The following HEATR4 variants were observed in gnomAD, a reference collection of about 807,000 sequenced individuals.
HEATR4 encodes HEAT repeat containing 4.
Under a neutral mutation model 108.8 loss-of-function variants are expected in HEATR4, and 95 were observed. The ratio of observed to expected loss-of-function variants is 0.87; its 90% CI spans 0.74 to 1.04. HEATR4 has a LOEUF of 1.04. HEATR4 is among the 50% of genes least tolerant of loss of function. The probability of loss-of-function intolerance (pLI) is 0.00; values close to 1 mark genes in which losing one functional copy is unlikely to be tolerated. For missense variants in HEATR4, 1,152 were observed against 1,253.8 expected, an observed-to-expected ratio of 0.92 and a Z score of 1.23; for synonymous variants, 443 against 459.4, an observed-to-expected ratio of 0.96 and a Z score of 0.46.
At chr14:73,513,953 A>G (rs2140284293) in intron 6 of HEATR4, 78 bp downstream of exon 6, 2 of 1,441,036 alleles carry the variant, frequency 1.4e-6, no homozygotes, top group Non-Finnish European at 1.9e-6. Context: ...TGGATTTTTC[A>G]AAGACTGAGA....
the HEATR4 span, among the ~76,000 whole-genome samples, chr14:73,604,022 A>G: frequency 0.023 from 3,496 of 152,230 alleles, 157 homozygotes; most frequent in African/African-American, 0.08. Context: ...GTGAGCCACC[A>G]TGGCCGGCAG....
At chr14:73,573,707 A>G in the HEATR4 span, 1 of 1,213,892 alleles carries the variant, frequency 8.2e-7, no homozygotes, top group Non-Finnish European at 1.2e-6. Flanking sequence ...AACACACACT[A>G]CCTTTTTTAG....
chr14:73,629,050 T>C, the HEATR4 span, among the ~76,000 whole-genome samples: 227 of 121,002 alleles, frequency 1.9e-3, no homozygotes, highest in African/African-American at 5.6e-3. Flanking sequence ...AGCGAGAGTA[T>C]GTTCCCAAAA....
intron 17 of HEATR4, among the ~76,000 whole-genome samples, chr14:73,489,819 CAGAG>C (rs1885602714): frequency 6.6e-6 from 1 of 152,124 alleles, no homozygotes; most frequent in Non-Finnish European, 1.5e-5. Context: ...ACTTATTTTT[CAGAG>C]AGAGGACAAT....
chr14:73,579,365 G>A, the HEATR4 span, among the ~76,000 whole-genome samples: 53 of 148,398 alleles, frequency 3.6e-4, 1 homozygote, highest in South Asian at 8.4e-3. Context: ...TCATGAGGTC[G>A]GGAGTCTGAG....
At chr14:73,615,076 A>C in the HEATR4 span, among the ~76,000 whole-genome samples, 2 of 137,898 alleles carry the variant, frequency 1.5e-5, no homozygotes, top group Non-Finnish European at 3.1e-5. Context: ...AGGACAGAGC[A>C]AGACTCCATC....
Position 73,478,603 on chromosome 14 carries a change from A to C in HEATR4, c.*3T>G. On this transcript the variant is annotated 3_prime_UTR_variant, in exon 18 of 18. Coordinates refer to ENST00000553558, the MANE Select transcript of HEATR4 (RefSeq NM_001220484.1). ...GCATCTTGAAGTAAGACAAGTGTTC[A>C]GCTTAGAGATGAGCACCTTTCTTTC... The C allele has an allele frequency of 6.3e-7, 1 of 1,594,196 alleles. No individual in the cohort carries two copies. Among genetic ancestry groups the C allele is most frequent in the Admixed American group, 1.7e-5 (1 of 59,362 alleles).
chr14:73,612,761 C>G, the HEATR4 span: 5 of 1,371,198 alleles, frequency 3.6e-6, no homozygotes, highest in African/African-American at 3.1e-5. Context: ...GGACCTGGAG[C>G]GCGCGCCCGC....
In HEATR4 at chr14:73,478,824, G is replaced by A. The variant is rs1364211500; in HGVS notation, c.2863C>T (p.Pro955Ser). The change falls in exon 18 of 18, where the codon CCA (proline) becomes TCA (serine). Residue 955 changes from proline (P) to serine (S), a missense_variant. By Grantham distance (74) the Pro-to-Ser change is moderately conservative (BLOSUM62 -1). Transcript: ENST00000553558. ...AVIKPVKPRA[P>S]NPWLQSSVPG... is the part of the protein sequence containing the mutation. ...ACTGAACTTTGTAACCAGGGATTTG[G>A]TGCGCGGGGCTTCACAGGCTGCAGA... The A allele has an allele frequency of 1.2e-6, 2 of 1,607,870 alleles. No homozygotes were observed. The highest frequency in any genetic ancestry group is 1.7e-6 in the Non-Finnish European group (2 of 1,176,772).
rs1304504612 is a variant in HEATR4, at chr14:73,546,654, G to C, written c.-152+12097C>G. ...GCTTGGATTATAGGCATGAGCAACC[G>C]GGCCCAGCCTAGTTAGTCTTTATTA... is the stretch of plus-strand genomic sequence containing the variant. On this transcript the variant is annotated intron_variant, in intron 1 of 17. Transcript: ENST00000553558. Among the ~76,000 whole-genome samples, 2 of 114,852 alleles carry C rather than the reference G, an allele frequency of 1.7e-5. 1 individual carries two copies. The highest frequency in any genetic ancestry group is 5.6e-5 in the African/African-American group (2 of 35,698). 75.3% of individuals were successfully genotyped at this position (114,852 alleles called of 152,430 possible).
chr14:73,605,866 T>C, the HEATR4 span, among the ~76,000 whole-genome samples: 15 of 152,224 alleles, frequency 9.9e-5, no homozygotes, highest in South Asian at 3.1e-3. Flanking sequence ...CCACAGTGCC[T>C]GGCTGGGGGC....
chr14:73,589,816 T>A, the HEATR4 span, among the ~76,000 whole-genome samples: 7 of 151,866 alleles, frequency 4.6e-5, no homozygotes, highest in Non-Finnish European at 8.8e-5. Context: ...CTTCTGATGT[T>A]CCCATGTGCT....
Position 73,551,778 on chromosome 14 carries a change from C to T in HEATR4, c.-152+6973G>A, listed in dbSNP as rs574540825. Among the ~76,000 whole-genome samples the T allele has an allele frequency of 4.5e-4, 48 of 106,584 alleles. 11 individuals are homozygous for T. The highest frequency in any genetic ancestry group is 2.2e-4 in the Admixed American group (2 of 9,166). The allele number at this position is 106,584 out of a possible 152,430, so 69.9% of individuals were successfully genotyped here. A position where few individuals can be genotyped will look rare whatever the true frequency, so the allele number is the denominator to read the frequency against. On this transcript the variant is annotated intron_variant, in intron 1 of 17. Coordinates refer to ENST00000553558, the MANE Select transcript of HEATR4 (RefSeq NM_001220484.1). ...GAGCTGAGACCACGCCATTACACTC[C>T]AGCCTGGGCAACAAGAGTAAATCTC...
intron 5 of HEATR4, chr14:73,517,322 T>C (rs1341453080): frequency 6.6e-6 from 1 of 152,184 alleles, no homozygotes; most frequent in African/African-American, 2.4e-5. Context: ...CATCAAATTG[T>C]ATGGTTTAAC....
the HEATR4 span, chr14:73,593,747 G>A: frequency 1.2e-6 from 2 of 1,613,700 alleles, no homozygotes; most frequent in Middle Eastern, 3.3e-4. Context: ...GGTATTGGAG[G>A]GGGCCTCTTG....
chr14:73,595,018 G>T, the HEATR4 span: 1 of 1,608,232 alleles, frequency 6.2e-7, no homozygotes, highest in South Asian at 1.1e-5. Context: ...ATAAGTTATT[G>T]ACTCAACTCT....
In HEATR4 at chr14:73,554,978, G is replaced by T. The variant is rs1023051581; in HGVS notation, c.-152+3773C>A. 7.1e-5 allele frequency among the ~76,000 whole-genome samples: 8 copies of T among 112,774 alleles called. 1 individual carries two copies. Among genetic ancestry groups the T allele is most frequent in the African/African-American group, 8.6e-5 (3 of 34,956 alleles). 74.0% of individuals were successfully genotyped at this position (112,774 alleles called of 152,430 possible). A position where few individuals can be genotyped will look rare whatever the true frequency, so the allele number is the denominator to read the frequency against. ...AATTCTGAAGCTATGAAGAATAAAT[G>T]TTTCAACTTTGGATTATGAAACCCC... On this transcript the variant is annotated intron_variant, in intron 1 of 17. Coordinates refer to ENST00000553558, the MANE Select transcript of HEATR4 (RefSeq NM_001220484.1).
chr14:73,559,669 G>A (rs1889481140), upstream of HEATR4, among the ~76,000 whole-genome samples: 1 of 152,006 alleles, frequency 6.6e-6, no homozygotes, highest in Non-Finnish European at 1.5e-5. Context: ...TTGGACCCAG[G>A]AAGCAGAGGT....
chr14:73,588,683 G>C, the HEATR4 span, among the ~76,000 whole-genome samples: 1 of 152,148 alleles, frequency 6.6e-6, no homozygotes, highest in African/African-American at 2.4e-5. Context: ...TAATGGCAGA[G>C]AAGACAGAAA....
Sources: allele counts gnomAD v4.1 joint callset (sites outside exome capture counted in the v4.1 genomes callset), GRCh38; gene constraint gnomAD v4.1.1; transcripts MANE v1.5; gene names NCBI Gene and HGNC (gene_info 2026-07-23, HGNC 2026-07-21).